Variants in AGBL4 observed in about 807,000 individuals in gnomAD.
AGBL4 encodes cytosolic carboxypeptidase 6.
AGBL4 carries 58 observed loss-of-function variants against 66.4 expected under a neutral mutation model. That is an observed-to-expected ratio of 0.87 (90% CI 0.71 to 1.09). The LOEUF is 1.09. Ranked by LOEUF, AGBL4 falls within the 50% of genes least tolerant of loss-of-function variation. The probability of loss-of-function intolerance (pLI) is 0.00; values close to 1 mark genes in which losing one functional copy is unlikely to be tolerated. For synonymous variants in AGBL4, 234 were observed against 222.9 expected (o/e 1.05, Z -0.44); for missense variants, 579 against 631.0 (o/e 0.92, Z 0.88).
chr1:49,772,724 TAA>T (rs1644097968), intron 2 of AGBL4, among the ~76,000 whole-genome samples: 1 of 152,220 alleles, frequency 6.6e-6, no homozygotes, highest in Admixed American at 6.5e-5. Flanking sequence ...GCTGACAATC[TAA>T]TGAGGATTCT....
intron 5 of AGBL4, among the ~76,000 whole-genome samples, chr1:48,935,948 G>T (rs1284452879): frequency 1.2e-5 from 1 of 86,262 alleles, no homozygotes; most frequent in African/African-American, 4.5e-5. Context: ...GACAGAGCGA[G>T]ACTCTGTCTG....
chr1:49,142,185 C>T (rs993939923), intron 4 of AGBL4, among the ~76,000 whole-genome samples: 3 of 152,056 alleles, frequency 2.0e-5, no homozygotes, highest in Admixed American at 2.0e-4. Flanking sequence ...ATCCTAAAAC[C>T]ATCTCCCCGC....
intron 5 of AGBL4, among the ~76,000 whole-genome samples, chr1:48,931,843 C>T (rs1302380286): frequency 6.6e-6 from 1 of 152,062 alleles, no homozygotes; most frequent in Non-Finnish European, 1.5e-5. Flanking sequence ...CATCTGAAAC[C>T]GTATTATTTA....
intron 3 of AGBL4, among the ~76,000 whole-genome samples, chr1:49,601,941 G>T (rs1384100961): frequency 6.6e-6 from 1 of 152,086 alleles, no homozygotes; most frequent in Non-Finnish European, 1.5e-5. Context: ...GAAAAATCTT[G>T]CAATCTATCC....
intron 6 of AGBL4, among the ~76,000 whole-genome samples, chr1:48,734,460 G>A (rs1648684034): frequency 6.6e-6 from 1 of 152,088 alleles, no homozygotes; most frequent in Non-Finnish European, 1.5e-5. Context: ...CTCCCATGTG[G>A]TCACTCCATG....
intron 2 of AGBL4, among the ~76,000 whole-genome samples, chr1:49,767,659 C>A (rs1643926037): frequency 6.6e-6 from 1 of 151,588 alleles, no homozygotes; most frequent in Non-Finnish European, 1.5e-5. Flanking sequence ...ATCAACAAAA[C>A]CAAAAGCTGT....
intron 3 of AGBL4, among the ~76,000 whole-genome samples, chr1:49,457,288 G>A (rs1021973980): frequency 2.0e-5 from 3 of 151,466 alleles, no homozygotes; most frequent in Non-Finnish European, 3.0e-5. Flanking sequence ...AGATAGTATC[G>A]CATTGTGGTT....
At chr1:49,923,214 G>A (rs1359478640) in intron 1 of AGBL4, among the ~76,000 whole-genome samples, 5 of 152,106 alleles carry the variant, frequency 3.3e-5, no homozygotes, top group African/African-American at 1.2e-4. Flanking sequence ...CAAGCAATGG[G>A]GAAAGGACAC....
chr1:48,992,102 G>A (rs1660646689), intron 5 of AGBL4, among the ~76,000 whole-genome samples: 1 of 152,140 alleles, frequency 6.6e-6, no homozygotes, highest in East Asian at 1.9e-4. Context: ...AGTCTTCACA[G>A]TCTGGGTTAA....
At chr1:49,502,404 G>A (rs947634397) in intron 3 of AGBL4, among the ~76,000 whole-genome samples, 2 of 152,046 alleles carry the variant, frequency 1.3e-5, no homozygotes, top group Non-Finnish European at 2.9e-5. Flanking sequence ...CACAAATACA[G>A]ATTTTGCTAC....
intron 4 of AGBL4, among the ~76,000 whole-genome samples, chr1:49,210,626 C>A (rs557910631): frequency 6.6e-6 from 1 of 151,924 alleles, no homozygotes; most frequent in Non-Finnish European, 1.5e-5. Context: ...CTTGAAAATG[C>A]GTTAATCATT....
chr1:49,741,167 GAAGAA>G (rs1235594411), intron 2 of AGBL4, among the ~76,000 whole-genome samples: 2 of 151,982 alleles, frequency 1.3e-5, no homozygotes, highest in Non-Finnish European at 2.9e-5. Context: ...GACTAATAAA[GAAGAA>G]AAGAGAGAAG....
At chr1:49,964,495 A>G (rs1221892586) in intron 1 of AGBL4, among the ~76,000 whole-genome samples, 1 of 152,098 alleles carries the variant, frequency 6.6e-6, no homozygotes, top group Admixed American at 6.6e-5. Context: ...TTTTATCTCT[A>G]AGAATCTATT....
intron 12 of AGBL4, among the ~76,000 whole-genome samples, chr1:48,539,429 C>A (rs914957936): frequency 4.6e-5 from 7 of 152,078 alleles, no homozygotes; most frequent in African/African-American, 1.7e-4. Context: ...AGAAATGTGA[C>A]CATGCCCTCA....
intron 6 of AGBL4, among the ~76,000 whole-genome samples, chr1:48,854,529 G>A (rs989001215): frequency 6.6e-6 from 1 of 152,090 alleles, no homozygotes; most frequent in African/African-American, 2.4e-5. Context: ...CTGCTCTCAG[G>A]CTTTATAATT....
chr1:48,737,289 G>C (rs555313829), intron 6 of AGBL4, among the ~76,000 whole-genome samples: 1 of 151,078 alleles, frequency 6.6e-6, no homozygotes, highest in East Asian at 1.9e-4. Flanking sequence ...GTCTCAAAAA[G>C]AAAAAAGAAA....
intron 2 of AGBL4, among the ~76,000 whole-genome samples, chr1:49,722,248 A>T (rs1648664881): frequency 6.6e-6 from 1 of 152,174 alleles, no homozygotes; most frequent in Non-Finnish European, 1.5e-5. Flanking sequence ...TCTTTTTCTG[A>T]AGATATAATT....
chr1:48,989,900 A>C (rs542833869), intron 5 of AGBL4, among the ~76,000 whole-genome samples: 1 of 152,186 alleles, frequency 6.6e-6, no homozygotes, highest in East Asian at 1.9e-4. Context: ...TATATCCAAT[A>C]GTGTGATTGC....
At chr1:49,282,311 T>C (rs1437665202) in intron 3 of AGBL4, among the ~76,000 whole-genome samples, 1 of 152,226 alleles carries the variant, frequency 6.6e-6, no homozygotes, top group Non-Finnish European at 1.5e-5. Context: ...TTTTACACTA[T>C]GATAACTCAA....
Sources: allele counts gnomAD v4.1 joint callset (sites outside exome capture counted in the v4.1 genomes callset), GRCh38; gene constraint gnomAD v4.1.1; transcripts MANE v1.5; gene names NCBI Gene and HGNC (gene_info 2026-07-23, HGNC 2026-07-21).